The following KCNC1 variants were observed in gnomAD, a reference collection of about 807,000 sequenced individuals.
KCNC1 encodes the protein voltage-gated potassium channel KCNC1.
KCNC1 carries 8 observed loss-of-function variants against 43.4 expected under a neutral mutation model. The ratio of observed to expected loss-of-function variants is 0.18; its 90% confidence interval spans 0.11 to 0.33. The LOEUF is 0.33. Among genes scored for constraint, KCNC1 ranks in the 10% least tolerant of loss-of-function variants. The pLI is 1.00. For missense variants in KCNC1, 420 were observed against 836.0 expected (o/e 0.50, Z 6.14); for synonymous variants, 361 against 360.5 (o/e 1.00, Z -0.01).
At position 17,777,856 on chromosome 11, in the gene KCNC1, A is replaced by G; in HGVS notation, c.1505-1600A>G. 1.0e-6 allele frequency: 1 copy of G among 986,258 alleles called. No homozygotes were observed. Among genetic ancestry groups the G allele is most frequent in the Non-Finnish European group, 1.2e-6 (1 of 830,054 alleles). 61.1% of individuals were successfully genotyped at this position (986,258 alleles called of 1,614,324 possible). A position where few individuals can be genotyped will look rare whatever the true frequency, so the allele number is the denominator to read the frequency against. On this transcript the variant is annotated intron_variant, in intron 2 of 3. Coordinates refer to ENST00000265969, the MANE Select transcript of KCNC1 (RefSeq NM_001112741.2). The surrounding 1 kb of genome is among the most constrained non-coding windows in gnomAD (Gnocchi z 4.3). ...CTGACTGCCTCTTTGTAGTGACATG[A>G]TGTGTACACGGGCGGTAATCCCACC...
chr11:17,761,342 TAA>T (rs1372669342), intron 1 of KCNC1, among the ~76,000 whole-genome samples: 25 of 152,392 alleles, frequency 1.6e-4, no homozygotes, highest in African/African-American at 6.0e-4. Context: ...CACCTCTTGG[TAA>T]TTTGTGAAAA....
intron 2 of KCNC1, chr11:17,774,090 C>T: frequency 1.0e-6 from 1 of 985,582 alleles, no homozygotes; most frequent in Non-Finnish European, 1.2e-6. Flanking sequence ...TTTCTTTGCC[C>T]ATGGGGGTTT....
chr11:17,749,669 G>T (rs1420647552), intron 1 of KCNC1, among the ~76,000 whole-genome samples: 2 of 152,198 alleles, frequency 1.3e-5, no homozygotes, highest in Non-Finnish European at 2.9e-5. Context: ...GAGTGAGCTG[G>T]AGCCCTGGGC....
At chr11:17,772,863 G>A (rs924793087) in intron 2 of KCNC1, 18 of 1,315,074 alleles carry the variant, frequency 1.4e-5, no homozygotes, top group East Asian at 5.9e-5. Flanking sequence ...GAGACAACGC[G>A]GCCCGCCAGG....
intron 1 of KCNC1, among the ~76,000 whole-genome samples, chr11:17,754,671 G>A (rs984621298): frequency 8.3e-6 from 1 of 120,322 alleles, no homozygotes; most frequent in Admixed American, 7.9e-5. Context: ...CCTACTAGTT[G>A]GAGTGTTTGG....
At chr11:17,772,904 G>A in intron 2 of KCNC1, 1 of 1,247,124 alleles carries the variant, frequency 8.0e-7, no homozygotes, top group Admixed American at 4.0e-5. Flanking sequence ...AGGAGCCAGG[G>A]GGGCTCTGCT....
intron 1 of KCNC1, among the ~76,000 whole-genome samples, chr11:17,750,685 C>G (rs1330862153): frequency 6.6e-6 from 1 of 152,226 alleles, no homozygotes; most frequent in Non-Finnish European, 1.5e-5. Flanking sequence ...CCAACGTGCT[C>G]CGGCTCCCTG....
At position 17,776,517 on chromosome 11, in the gene KCNC1, T is replaced by C; in HGVS notation, c.1505-2939T>C. On this transcript the variant is annotated intron_variant, in intron 2 of 3. Transcript: ENST00000265969. The surrounding 1 kb of genome is among the most constrained non-coding windows in gnomAD (Gnocchi z 4.4). Reference sequence around the variant, plus strand: ...GGGCCCAGCCTCGGGTTCTCCTTGCTCCAAAGTTTAAAAAAAAATGACCCT... The same window carrying C: ...GGGCCCAGCCTCGGGTTCTCCTTGCCCCAAAGTTTAAAAAAAAATGACCCT... 2.0e-6 allele frequency: 2 copies of C among 985,312 alleles called. No homozygotes were observed. The highest frequency in any genetic ancestry group is 2.4e-6 in the Non-Finnish European group (2 of 829,926). 61.0% of individuals were successfully genotyped at this position (985,312 alleles called of 1,614,324 possible).
At chr11:17,770,408 G>A (rs1221926690) in intron 1 of KCNC1, among the ~76,000 whole-genome samples, 1 of 152,240 alleles carries the variant, frequency 6.6e-6, no homozygotes, top group Non-Finnish European at 1.5e-5. Context: ...GGGCCCCTGA[G>A]AGAGGGCTGA....
chr11:17,753,739 C>T (rs1037809931), intron 1 of KCNC1, among the ~76,000 whole-genome samples: 2 of 152,210 alleles, frequency 1.3e-5, no homozygotes, highest in South Asian at 2.1e-4. Flanking sequence ...GGGAGTCACA[C>T]AGCCTGAGTC....
rs1180617485 is a variant in KCNC1 at position 17,736,152 on chromosome 11, G to C, written c.150G>C (p.Pro50=). 4 of 1,613,210 alleles carry C rather than the reference G, an allele frequency of 2.5e-6. No homozygotes were observed. The highest frequency in any genetic ancestry group is 3.4e-6 in the Non-Finnish European group (4 of 1,179,718). ...PDAHSHFDYD[P]RADEFFFDRH... is the part of the protein sequence containing the mutation. Reference sequence around the variant, plus strand: ...CCCACAGCCACTTCGACTATGACCCGCGTGCTGACGAGTTCTTCTTCGACC... The same window carrying C: ...CCCACAGCCACTTCGACTATGACCCCCGTGCTGACGAGTTCTTCTTCGACC... Residue 50 remains proline (P), a synonymous_variant, in exon 1 of 4, where the codon CCG becomes CCC. Transcript: ENST00000265969. This position sits in a 1 kb window ranked among gnomAD's most constrained non-coding sequence, Gnocchi z 9.3.
chr11:17,771,617 TC>T lies in KCNC1; in HGVS notation c.571-46del. The T allele has an allele frequency of 6.5e-7, 1 of 1,529,366 alleles. No individual in the cohort carries two copies. Among genetic ancestry groups the T allele is most frequent in the Non-Finnish European group, 8.9e-7 (1 of 1,122,200 alleles). The allele number at this position is 1,529,366 out of a possible 1,614,324, so 94.7% of individuals were successfully genotyped here. The stretch of plus-strand genomic sequence containing the variant: ...ACTGGACAGAGGCAACCCAGGCTTC[TC>T]CACTCTGGGTGGGCCTCCCTCTGAC... On this transcript the variant is annotated intron_variant, in intron 1 of 3. Transcript: ENST00000265969. The surrounding 1 kb of genome is among the most constrained non-coding windows in gnomAD (Gnocchi z 4.7).
rs947310606 is a variant in KCNC1, at chr11:17,773,528, A to G, written c.1504+930A>G. On this transcript the variant is annotated intron_variant, in intron 2 of 3. Coordinates refer to ENST00000265969, the MANE Select transcript of KCNC1 (RefSeq NM_001112741.2). The surrounding 1 kb of genome is among the most constrained non-coding windows in gnomAD (Gnocchi z 4.1). ...GCAATATAGACATCCCAACCAGTGT[A>G]CAACCACTTTCCCGTGAATTCACTG... The G allele has an allele frequency of 3.1e-6, 3 of 983,288 alleles. No individual in the cohort carries two copies. In the South Asian group the frequency reaches 1.4e-4, roughly 47 times the overall value. The allele number at this position is 983,288 out of a possible 1,614,324, so 60.9% of individuals were successfully genotyped here.
chr11:17,777,441 G>A lies in KCNC1; in HGVS notation c.1505-2015G>A, dbSNP rs975085325. 1.0e-5 allele frequency: 10 copies of A among 985,874 alleles called. No individual in the cohort carries two copies. Among genetic ancestry groups the A allele is most frequent in the South Asian group, 9.4e-5 (2 of 21,276 alleles). The allele number at this position is 985,874 out of a possible 1,614,324, so 61.1% of individuals were successfully genotyped here. On this transcript the variant is annotated intron_variant, in intron 2 of 3. Transcript: ENST00000265969. The surrounding 1 kb of genome is among the most constrained non-coding windows in gnomAD (Gnocchi z 4.3). ...TGCTATGGGCCTCAACCCCCACATCGTCATCCGCGTCCTCTCCATACTGTT... is the reference window on the plus strand; with the variant it reads ...TGCTATGGGCCTCAACCCCCACATCATCATCCGCGTCCTCTCCATACTGTT...
Position 17,777,818 on chromosome 11 carries a change from A to G in KCNC1, c.1505-1638A>G, listed in dbSNP as rs1849302763. 4 of 986,172 alleles carry G rather than the reference A, an allele frequency of 4.1e-6. No individual in the cohort carries two copies. The highest frequency in any genetic ancestry group is 4.7e-5 in the South Asian group (1 of 21,270). The allele number at this position is 986,172 out of a possible 1,614,324, so 61.1% of individuals were successfully genotyped here. On this transcript the variant is annotated intron_variant, in intron 2 of 3. Transcript: ENST00000265969. This position sits in a 1 kb window ranked among gnomAD's most constrained non-coding sequence, Gnocchi z 4.3. ...CTTTACGAATAAATCTGATTGGTCC[A>G]TTTCTCTTTTGACTGACTGCCTCTT...
chr11:17,762,966 G>A (rs910884017), intron 1 of KCNC1, among the ~76,000 whole-genome samples: 1 of 152,160 alleles, frequency 6.6e-6, no homozygotes, highest in African/African-American at 2.4e-5. Context: ...ATACCATTCC[G>A]GGATGTGTGC....
At chr11:17,751,972 A>G (rs1848974541) in intron 1 of KCNC1, among the ~76,000 whole-genome samples, 1 of 152,190 alleles carries the variant, frequency 6.6e-6, no homozygotes, top group East Asian at 1.9e-4. Context: ...CACCAGCTGC[A>G]GAGAAGGTGC....
chr11:17,756,958 CCA>C (rs1383670097), intron 1 of KCNC1, among the ~76,000 whole-genome samples: 3 of 152,162 alleles, frequency 2.0e-5, no homozygotes, highest in Admixed American at 2.0e-4. Flanking sequence ...CTAACACTTT[CCA>C]GCTATGTGGG....
chr11:17,775,345 C>G (rs1849273604), intron 2 of KCNC1: 1 of 985,360 alleles, frequency 1.0e-6, no homozygotes, highest in African/African-American at 1.7e-5. Context: ...ACCTCCACCT[C>G]TTGGTCTCGT....
Sources: gnomAD v4.1 joint callset for allele counts (sites outside exome capture counted in the v4.1 genomes callset) on GRCh38, gnomAD v4.1.1 for gene constraint, Gnocchi (gnomAD v3.1) non-coding constraint, MANE v1.5 for transcripts, NCBI Gene and HGNC (gene_info 2026-07-23, HGNC 2026-07-21) for gene names.